The following RASSF5 variants were observed in gnomAD, a reference collection of about 807,000 sequenced individuals.
RASSF5 encodes the protein Ras association domain family member 5.
RASSF5 carries 25 observed loss-of-function variants against 40.5 expected under a neutral mutation model. The ratio of observed to expected loss-of-function variants is 0.62; its 90% CI spans 0.45 to 0.86. The LOEUF (loss-of-function observed/expected upper bound fraction) is 0.86. RASSF5 is among the 40% of genes least tolerant of loss of function. The pLI, the probability that RASSF5 is intolerant of heterozygous loss-of-function variation, is 0.00. For missense variants in RASSF5, 521 were observed against 572.8 expected (o/e 0.91, Z 0.92); for synonymous variants, 246 against 252.4 (o/e 0.97, Z 0.24).
chr1:206,508,208 C>A, intron 1 of RASSF5, 149 bp downstream of exon 1: 1 of 571,060 alleles, frequency 1.8e-6, no homozygotes, highest in Non-Finnish European at 2.8e-6. Flanking sequence ...CCCCTGGGGA[C>A]AGTCCGCTCC....
intron 1 of RASSF5, among the ~76,000 whole-genome samples, chr1:206,510,969 C>G (rs782400169): frequency 1.3e-5 from 2 of 152,162 alleles, no homozygotes; most frequent in African/African-American, 2.4e-5. Flanking sequence ...CAGAAGGGCA[C>G]TTTAGTAAGG....
chr1:206,556,060 C>T (rs1245651754), intron 2 of RASSF5, among the ~76,000 whole-genome samples: 2 of 152,172 alleles, frequency 1.3e-5, no homozygotes, highest in Non-Finnish European at 2.9e-5. Flanking sequence ...CCAGGGCCCT[C>T]CGGGGTCCAT....
intron 2 of RASSF5, among the ~76,000 whole-genome samples, chr1:206,555,613 G>A (rs952166692): frequency 3.9e-5 from 6 of 152,122 alleles, no homozygotes; most frequent in African/African-American, 1.4e-4. Flanking sequence ...GCAAACACCC[G>A]GTAGCTCACC....
chr1:206,570,553 C>T (rs1218475566), intron 2 of RASSF5, among the ~76,000 whole-genome samples: 3 of 148,734 alleles, frequency 2.0e-5, no homozygotes, highest in Non-Finnish European at 4.5e-5. Context: ...CAGTAACTCA[C>T]TATTTTCCCC....
intron 2 of RASSF5, among the ~76,000 whole-genome samples, chr1:206,547,437 G>A (rs11119013): frequency 0.55 from 82,575 of 151,440 alleles, 22,689 homozygotes; most frequent in East Asian, 0.74. Context: ...TGTGAACTGC[G>A]CATGCGAGGG....
At position 206,560,209 on chromosome 1, in the gene RASSF5, G is replaced by A. The variant is rs1316763419; in HGVS notation, c.579+21916G>A. Among the ~76,000 whole-genome samples, 8 of 152,190 alleles carry A rather than the reference G, an allele frequency of 5.3e-5. No homozygotes were observed. The highest frequency in any genetic ancestry group is 1.0e-4 in the Non-Finnish European group (7 of 68,026). ...AGGGCTGAGCTTGCTTCTATAAATA[G>A]CCTTGTCAGAACAACCTGTGTGGCT... On this transcript the variant is annotated intron_variant, in intron 2 of 5. Coordinates refer to ENST00000579436, the MANE Select transcript of RASSF5 (RefSeq NM_182663.4). This position sits in a 1 kb window ranked among gnomAD's most constrained non-coding sequence, Gnocchi z 5.1.
chr1:206,514,365 G>A (rs1226073368), intron 1 of RASSF5, among the ~76,000 whole-genome samples: 1 of 152,254 alleles, frequency 6.6e-6, no homozygotes, highest in Non-Finnish European at 1.5e-5. Flanking sequence ...GGGGCAGAGG[G>A]ATCGGGGGGA....
chr1:206,510,562 C>T (rs1048218392), intron 1 of RASSF5, among the ~76,000 whole-genome samples: 11 of 152,028 alleles, frequency 7.2e-5, no homozygotes, highest in Admixed American at 5.9e-4. Flanking sequence ...GCTTGTGACA[C>T]CTCCTAGGAT....
At chr1:206,569,695 G>A (rs1279727528) in intron 2 of RASSF5, among the ~76,000 whole-genome samples, 1 of 152,196 alleles carries the variant, frequency 6.6e-6, no homozygotes, top group Non-Finnish European at 1.5e-5. Context: ...TTCATCTTGA[G>A]GCCCCTTCCT....
At chr1:206,563,346 C>A (rs554284269) in intron 2 of RASSF5, among the ~76,000 whole-genome samples, 35 of 152,330 alleles carry the variant, frequency 2.3e-4, no homozygotes, top group African/African-American at 8.2e-4. Flanking sequence ...CTGCTCATAA[C>A]TGCTTGGTAA....
rs1668971587 is a variant in RASSF5 at position 206,583,377 on chromosome 1, C to G, written c.688C>G (p.Leu230Val). 1.2e-6 allele frequency: 2 copies of G among 1,604,124 alleles called. No individual in the cohort carries two copies. The highest frequency in any genetic ancestry group is 1.7e-6 in the Non-Finnish European group (2 of 1,171,048). Residue 230 changes from leucine (L) to valine (V), a missense_variant and splice_region_variant, in exon 3 of 6, where the codon CTG (leucine) becomes GTG (valine). Coordinates refer to ENST00000579436, the MANE Select transcript of RASSF5 (RefSeq NM_182663.4). ...TREKNCLGMK[L>V]SEDGTYTGFI... ...AGAGAAGAACTGCCTGGGCATGAAA[C>G]TGGTAAGCGCCCGTCCACCCTCAAC...
chr1:206,558,187 T>C (rs545669591), intron 2 of RASSF5, among the ~76,000 whole-genome samples: 1 of 152,220 alleles, frequency 6.6e-6, no homozygotes, highest in Non-Finnish European at 1.5e-5. Context: ...TTTGCAGAAG[T>C]CCAGGGTGTT....
intron 1 of RASSF5, among the ~76,000 whole-genome samples, chr1:206,509,283 G>T (rs1283549615): frequency 6.6e-6 from 1 of 152,212 alleles, no homozygotes; most frequent in African/African-American, 2.4e-5. Flanking sequence ...TCAATGTGCT[G>T]CCCGCTGCAG....
intron 1 of RASSF5, among the ~76,000 whole-genome samples, chr1:206,533,937 C>T (rs1667314614): frequency 6.6e-6 from 1 of 152,144 alleles, no homozygotes; most frequent in Non-Finnish European, 1.5e-5. Flanking sequence ...TGACGATGGA[C>T]ACAGAGGCTG....
intron 2 of RASSF5, among the ~76,000 whole-genome samples, chr1:206,553,454 G>A (rs1667902028): frequency 6.6e-6 from 1 of 152,114 alleles, no homozygotes; most frequent in African/African-American, 2.4e-5. Context: ...TCAGTTAATG[G>A]CACTCATCAA....
chr1:206,517,910 A>G (rs1930439), intron 1 of RASSF5, among the ~76,000 whole-genome samples: 4 of 151,934 alleles, frequency 2.6e-5, no homozygotes, highest in Non-Finnish European at 5.9e-5. Flanking sequence ...TTAGCATGGG[A>G]GGATGTGAAT....
At chr1:206,525,809 C>A (rs1362774050) in intron 1 of RASSF5, among the ~76,000 whole-genome samples, 1 of 152,148 alleles carries the variant, frequency 6.6e-6, no homozygotes, top group Admixed American at 6.5e-5. Context: ...AGATCTTATG[C>A]CTTTCCCTTT....
At chr1:206,586,560 C>A in intron 5 of RASSF5, 1 of 328,666 alleles carries the variant, frequency 3.0e-6, no homozygotes, top group Non-Finnish European at 5.7e-6. Context: ...TACACAGAAA[C>A]TTAAGATTAT....
chr1:206,578,796 C>CTCTGG (rs1320005434), intron 2 of RASSF5, among the ~76,000 whole-genome samples: 38 of 152,268 alleles, frequency 2.5e-4, no homozygotes, highest in Admixed American at 2.1e-3. Flanking sequence ...AGCCACGTGA[C>CTCTGG]TCACTCAGAG....
Sources: gnomAD v4.1 joint callset for allele counts (sites outside exome capture counted in the v4.1 genomes callset) on GRCh38, gnomAD v4.1.1 for gene constraint, Gnocchi (gnomAD v3.1) non-coding constraint, MANE v1.5 for transcripts, NCBI Gene and HGNC (gene_info 2026-07-23, HGNC 2026-07-21) for gene names.